Variants in NUP160 observed in about 807,000 individuals in gnomAD.
NUP160 encodes the protein nucleoporin 160.
A neutral mutation model predicts 196.9 loss-of-function variants in NUP160; 94 were observed. The observed-to-expected ratio is 0.48, with a 90% CI of 0.40 to 0.57. The LOEUF (loss-of-function observed/expected upper bound fraction) is 0.57. Ranked by LOEUF, NUP160 falls within the 20% of genes least tolerant of loss-of-function variation. NUP160 has a pLI of 0.00. For missense variants in NUP160, 1,638 were observed against 1,748.3 expected (o/e 0.94, Z 1.13); for synonymous variants, 605 against 619.7 (o/e 0.98, Z 0.35).
chr11:47,826,342 AGTGTTACATAGCT>A (rs1236940462), intron 7 of NUP160, among the ~76,000 whole-genome samples: 1 of 152,244 alleles, frequency 6.6e-6, no homozygotes, highest in African/African-American at 2.4e-5. Context: ...ATAGGCTAAC[AGTGTTACATAGCT>A]GTCAAAAAAG....
At chr11:47,781,522 C>T (rs911319235) in intron 34 of NUP160, among the ~76,000 whole-genome samples, 1 of 152,026 alleles carries the variant, frequency 6.6e-6, no homozygotes, top group Non-Finnish European at 1.5e-5. Context: ...CCTTGACCTC[C>T]GAAAGTGCTA....
At chr11:47,813,503 A>G (rs1366173460) in intron 13 of NUP160, 88 bp from the exon 14 acceptor site, 5 of 809,444 alleles carry the variant, frequency 6.2e-6, no homozygotes, top group Non-Finnish European at 1.0e-5. Flanking sequence ...TCATGAGGCA[A>G]ACCCAAGTTG....
At chr11:47,793,010 A>T (rs2097668777) in intron 27 of NUP160, 64 bp from the exon 28 acceptor site, 1 of 1,450,954 alleles carries the variant, frequency 6.9e-7, no homozygotes, top group Non-Finnish European at 9.4e-7. Flanking sequence ...TTTTGGAGAC[A>T]GAGTCTTGCT....
At chr11:47,848,407 G>T in exon 1 of NUP160, 1 of 1,583,516 alleles carries the variant, frequency 6.3e-7, no homozygotes, top group Non-Finnish European at 8.6e-7. Flanking sequence ...CGGAGCTGCG[G>T]ACAGGTGAAG....
chr11:47,824,685 C>A (rs1001211318), intron 7 of NUP160, among the ~76,000 whole-genome samples: 9 of 152,220 alleles, frequency 5.9e-5, no homozygotes, highest in African/African-American at 1.7e-4. Context: ...GTTACCCAAG[C>A]TGCAGTGCAG....
chr11:47,812,191 T>C (rs1192690967), exon 17 of NUP160: 2 of 1,614,022 alleles, frequency 1.2e-6, no homozygotes, highest in African/African-American at 2.7e-5. Flanking sequence ...ACCATAGAGC[T>C]GGGTAAGATT....
chr11:47,833,009 T>C (rs921724791), intron 7 of NUP160, among the ~76,000 whole-genome samples: 3 of 152,152 alleles, frequency 2.0e-5, no homozygotes, highest in Non-Finnish European at 2.9e-5. Context: ...GGAAGAATGA[T>C]AGCTAAAAGG....
chr11:47,799,327 C>T (rs1314778176), intron 23 of NUP160, among the ~76,000 whole-genome samples: 1 of 152,066 alleles, frequency 6.6e-6, no homozygotes, highest in Non-Finnish European at 1.5e-5. Flanking sequence ...CTCAGGTGAT[C>T]TGCCTGCCTC....
intron 2 of NUP160, among the ~76,000 whole-genome samples, chr11:47,841,113 G>C (rs1052211637): frequency 6.6e-6 from 1 of 151,940 alleles, no homozygotes; most frequent in African/African-American, 2.4e-5. Flanking sequence ...AAATACCTTC[G>C]CAAATTGAAC....
chr11:47,813,438 T>C lies in NUP160; in HGVS notation c.1687-23A>G, dbSNP rs984269351. The C allele has an allele frequency of 2.7e-6, 4 of 1,487,024 alleles. No individual in the cohort carries two copies. In the African/African-American group the frequency reaches 4.2e-5, roughly 15 times the overall value. 92.1% of individuals were successfully genotyped at this position (1,487,024 alleles called of 1,614,324 possible). Reference sequence around the variant, plus strand: ...CCCCTGGAAATACAAATTTTCCAGTTACATTTTTGTCAGTAAAATTTTAAA... The same window carrying C: ...CCCCTGGAAATACAAATTTTCCAGTCACATTTTTGTCAGTAAAATTTTAAA... On this transcript the variant is annotated intron_variant, in intron 13 of 35. Coordinates refer to ENST00000378460, the Ensembl canonical transcript of NUP160.
intron 13 of NUP160, 43 bp from the exon 14 acceptor site, chr11:47,813,458 T>C (rs765746055): frequency 3.1e-6 from 4 of 1,297,226 alleles, no homozygotes; most frequent in Non-Finnish European, 3.4e-6. Flanking sequence ...TCAGTAAAAT[T>C]TTAAAGGTAT....
At chr11:47,833,651 A>G (rs1379096536) in intron 7 of NUP160, among the ~76,000 whole-genome samples, 3 of 152,198 alleles carry the variant, frequency 2.0e-5, no homozygotes, top group East Asian at 1.9e-4. Context: ...CATCAATGAT[A>G]ATAGTTGTGC....
intron 27 of NUP160, among the ~76,000 whole-genome samples, chr11:47,795,554 T>TA (rs2097670401): frequency 6.6e-6 from 1 of 152,152 alleles, no homozygotes; most frequent in Non-Finnish European, 1.5e-5. Flanking sequence ...AAATTCTAAG[T>TA]AAAAATGGTA....
At chr11:47,819,979 T>C (rs1851822369) in intron 9 of NUP160, among the ~76,000 whole-genome samples, 1 of 152,184 alleles carries the variant, frequency 6.6e-6, no homozygotes, top group Admixed American at 6.5e-5. Flanking sequence ...TCTGACTACT[T>C]TGCTCAAATG....
intron 27 of NUP160, chr11:47,796,176 A>G (rs769109045): frequency 1.2e-5 from 3 of 249,244 alleles, no homozygotes; most frequent in Non-Finnish European, 1.5e-5. Flanking sequence ...AAAAAAAAGG[A>G]GCAGCTGCGG....
intron 17 of NUP160, among the ~76,000 whole-genome samples, chr11:47,810,432 C>T (rs1176219852): frequency 6.6e-6 from 1 of 152,072 alleles, no homozygotes; most frequent in Non-Finnish European, 1.5e-5. Flanking sequence ...CTCAAGCAAC[C>T]AGGCCACCTT....
intron 11 of NUP160, among the ~76,000 whole-genome samples, chr11:47,816,321 G>A (rs75322002): frequency 0.033 from 5,069 of 152,306 alleles, 283 homozygotes; most frequent in African/African-American, 0.12. Context: ...AAAGTGGTCA[G>A]TGGAGGTAGA....
intron 13 of NUP160, 78 bp downstream of exon 13, chr11:47,815,401 T>C: frequency 8.5e-7 from 1 of 1,182,752 alleles, no homozygotes; most frequent in East Asian, 2.7e-5. Flanking sequence ...ACTGAACTTT[T>C]TGTTTTCTGA....
At chr11:47,815,318 A>C (rs1159041778) in intron 13 of NUP160, 161 bp downstream of exon 13, 2 of 434,516 alleles carry the variant, frequency 4.6e-6, no homozygotes, top group East Asian at 3.5e-5. Flanking sequence ...TCACAATTTT[A>C]GGGGAAAAAA....
Sources: gnomAD v4.1 joint callset for allele counts (sites outside exome capture counted in the v4.1 genomes callset) on GRCh38, gnomAD v4.1.1 for gene constraint, MANE v1.5 for transcripts, NCBI Gene and HGNC (gene_info 2026-07-23, HGNC 2026-07-21) for gene names.